Variants in ACER2 observed in about 807,000 individuals in gnomAD.
The protein encoded by ACER2 is alkaline ceramidase 2.
ACER2 carries 26 observed loss-of-function variants against 34.7 expected under a neutral mutation model. The observed-to-expected ratio is 0.75, with a 90% CI of 0.55 to 1.04. ACER2 has a LOEUF of 1.04. ACER2 is among the 50% of genes least tolerant of loss of function. The probability of loss-of-function intolerance (pLI) is 0.00; values close to 1 mark genes in which losing one functional copy is unlikely to be tolerated. For missense variants in ACER2, 352 were observed against 340.8 expected (o/e 1.03, Z -0.26); for synonymous variants, 138 against 132.1 (o/e 1.04, Z -0.31).
chr9:19,415,355 G>C (rs1324152914), intron 1 of ACER2, among the ~76,000 whole-genome samples: 1 of 152,076 alleles, frequency 6.6e-6, no homozygotes, highest in African/African-American at 2.4e-5. Flanking sequence ...AGATGGGCAT[G>C]ATGGCACTTA....
chr9:19,425,814 A>G (rs1160878759), intron 3 of ACER2, among the ~76,000 whole-genome samples: 2 of 152,230 alleles, frequency 1.3e-5, no homozygotes, highest in Admixed American at 6.5e-5. Flanking sequence ...TTTTGTCAAA[A>G]TATACATATA....
At chr9:19,440,451 T>C (rs1294584413) in intron 4 of ACER2, among the ~76,000 whole-genome samples, 1 of 152,180 alleles carries the variant, frequency 6.6e-6, no homozygotes, top group Admixed American at 6.5e-5. Context: ...AGAGCCCTCC[T>C]ACATGGGATT....
At chr9:19,423,998 C>A in intron 2 of ACER2, 22 bp downstream of exon 2, 1 of 1,554,658 alleles carries the variant, frequency 6.4e-7, no homozygotes, top group Non-Finnish European at 8.9e-7. Flanking sequence ...CATTTGGGAA[C>A]ACGGACTTAA....
At chr9:19,434,926 G>A (rs1830910714) in intron 3 of ACER2, 21 bp from the exon 4 acceptor site, 1 of 1,612,720 alleles carries the variant, frequency 6.2e-7, no homozygotes, top group Non-Finnish European at 8.5e-7. Flanking sequence ...AATGGATTTG[G>A]TTTTGCTTTC....
At chr9:19,413,081 A>G (rs1830135837) in intron 1 of ACER2, among the ~76,000 whole-genome samples, 1 of 152,234 alleles carries the variant, frequency 6.6e-6, no homozygotes. Flanking sequence ...AAGAGAGTGC[A>G]CTGATTTGAC....
intron 1 of ACER2, among the ~76,000 whole-genome samples, chr9:19,413,858 G>A (rs538607378): frequency 1.9e-4 from 29 of 152,276 alleles, no homozygotes; most frequent in Middle Eastern, 3.4e-3. Flanking sequence ...CTCGTTATAT[G>A]CCAAGTCCTA....
intron 1 of ACER2, among the ~76,000 whole-genome samples, chr9:19,415,014 T>C (rs1830200313): frequency 6.6e-6 from 1 of 152,176 alleles, no homozygotes; most frequent in Admixed American, 6.5e-5. Flanking sequence ...TCTTTTTCTC[T>C]TGGGGAAAGT....
intron 4 of ACER2, among the ~76,000 whole-genome samples, chr9:19,445,541 A>G (rs1369950512): frequency 6.6e-6 from 1 of 152,214 alleles, no homozygotes; most frequent in Non-Finnish European, 1.5e-5. Context: ...TAGCATCAGG[A>G]AAAGGCTTAC....
chr9:19,422,834 C>T (rs1173309282), intron 1 of ACER2, among the ~76,000 whole-genome samples: 1 of 151,880 alleles, frequency 6.6e-6, no homozygotes. Flanking sequence ...GAGTTTGAGA[C>T]CAGCCTGGCC....
chr9:19,413,938 T>G (rs1430554026), intron 1 of ACER2, among the ~76,000 whole-genome samples: 1 of 152,208 alleles, frequency 6.6e-6, no homozygotes, highest in Non-Finnish European at 1.5e-5. Flanking sequence ...GCAACAACTG[T>G]GTGCTTATTC....
chr9:19,426,358 TTCTCTCTCTC>T (rs59963606), intron 3 of ACER2, among the ~76,000 whole-genome samples: 58 of 118,318 alleles, frequency 4.9e-4, no homozygotes, highest in African/African-American at 1.3e-3. Context: ...CTCCCTCTCT[TTCTCTCTCTC>T]TCTCTCTCTC....
rs562530274 is a variant in ACER2, at chr9:19,416,831, G to A, written c.109-7031G>A. 1.4e-4 allele frequency among the ~76,000 whole-genome samples: 21 copies of A among 152,076 alleles called. No individual in the cohort carries two copies. In the South Asian group the frequency reaches 3.9e-3, roughly 29 times the overall value. On this transcript the variant is annotated intron_variant, in intron 1 of 5. Coordinates refer to ENST00000340967, the MANE Select transcript of ACER2 (RefSeq NM_001010887.3). ...TACAGGCGTGAGCCACCCGTGCCCC[G>A]CCTAAGGGATGGTTTTTAAGATCCT... is the stretch of plus-strand genomic sequence containing the variant.
At chr9:19,416,280 A>T (rs1302126829) in intron 1 of ACER2, among the ~76,000 whole-genome samples, 1 of 152,222 alleles carries the variant, frequency 6.6e-6, no homozygotes, top group Admixed American at 6.5e-5. Context: ...GAAACTGGTC[A>T]TATGTGCACA....
intron 1 of ACER2, among the ~76,000 whole-genome samples, chr9:19,414,153 G>A (rs777834136): frequency 5.9e-5 from 9 of 152,146 alleles, no homozygotes; most frequent in African/African-American, 9.7e-5. Flanking sequence ...AAAACTGAAC[G>A]TCCCATGCCT....
In ACER2 at chr9:19,427,737, T is replaced by A. The variant is rs978982813; in HGVS notation, c.365+2896T>A. Among the ~76,000 whole-genome samples the A allele has an allele frequency of 4.0e-5, 6 of 150,534 alleles. No homozygotes were observed. In the East Asian group the frequency reaches 1.2e-3, roughly 30 times the overall value. On this transcript the variant is annotated intron_variant, in intron 3 of 5. Transcript: ENST00000340967. ...GCTGGAGTGCTGTGGCACAATCTGG[T>A]CTCACTGCAAGCTCCACTTCCTATG...
chr9:19,446,603 C>T, intron 5 of ACER2, 185 bp downstream of exon 5: 1 of 985,388 alleles, frequency 1.0e-6, no homozygotes, highest in Non-Finnish European at 1.2e-6. Flanking sequence ...TGAATTGACT[C>T]CAGGGAGCAG....
chr9:19,448,085 C>T (rs1831429575), intron 5 of ACER2, among the ~76,000 whole-genome samples: 1 of 148,008 alleles, frequency 6.8e-6, no homozygotes, highest in Non-Finnish European at 1.5e-5. Context: ...TGGCTCACTG[C>T]AATCTCTGCC....
chr9:19,421,416 A>AT (rs1460990724), intron 1 of ACER2, among the ~76,000 whole-genome samples: 8 of 152,256 alleles, frequency 5.3e-5, no homozygotes, highest in African/African-American at 1.9e-4. Flanking sequence ...ATAAAAAAGA[A>AT]TAAGTTACTG....
intron 1 of ACER2, among the ~76,000 whole-genome samples, chr9:19,422,258 C>T (rs1042143732): frequency 6.6e-6 from 1 of 151,614 alleles, no homozygotes; most frequent in Non-Finnish European, 1.5e-5. Flanking sequence ...CTGGTCCCAC[C>T]ACTACACTCT....
Sources: gnomAD v4.1 joint callset for allele counts (sites outside exome capture counted in the v4.1 genomes callset) on GRCh38, gnomAD v4.1.1 for gene constraint, MANE v1.5 for transcripts, NCBI Gene and HGNC (gene_info 2026-07-23, HGNC 2026-07-21) for gene names.